Variants in MYOZ2 observed in about 807,000 individuals in gnomAD.
MYOZ2 encodes the protein myozenin-2.
A neutral mutation model predicts 25.4 loss-of-function variants in MYOZ2; 19 were observed. The observed-to-expected ratio is 0.75, with a 90% CI of 0.52 to 1.10. The LOEUF (loss-of-function observed/expected upper bound fraction) is 1.10. Ranked by LOEUF, MYOZ2 falls within the 50% of genes least tolerant of loss-of-function variation. The probability of loss-of-function intolerance (pLI) is 0.00; values close to 1 mark genes in which losing one functional copy is unlikely to be tolerated. For missense variants in MYOZ2, 270 were observed against 317.9 expected, an observed-to-expected ratio of 0.85 and a Z score of 1.15; for synonymous variants, 92 against 106.9, an observed-to-expected ratio of 0.86 and a Z score of 0.86.
chr4:119,158,380 A>G (rs1741632914), intron 4 of MYOZ2, among the ~76,000 whole-genome samples: 1 of 152,088 alleles, frequency 6.6e-6, no homozygotes, highest in Non-Finnish European at 1.5e-5. Context: ...ACATGGTGAA[A>G]CCTAGTTTCT....
chr4:119,183,673 T>G (rs998909701), intron 5 of MYOZ2, among the ~76,000 whole-genome samples: 4 of 152,206 alleles, frequency 2.6e-5, no homozygotes, highest in Non-Finnish European at 4.4e-5. Context: ...TAATCCAATT[T>G]ATCAGCAAAT....
At chr4:119,159,651 T>G (rs1741662732) in intron 4 of MYOZ2, among the ~76,000 whole-genome samples, 1 of 152,172 alleles carries the variant, frequency 6.6e-6, no homozygotes, top group South Asian at 2.1e-4. Flanking sequence ...GTCTAATTTT[T>G]GTAAAATAAA....
At chr4:119,165,366 C>T (rs1741801109) in intron 5 of MYOZ2, among the ~76,000 whole-genome samples, 1 of 151,336 alleles carries the variant, frequency 6.6e-6, no homozygotes, top group Non-Finnish European at 1.5e-5. Flanking sequence ...CAAAAATTAG[C>T]CAAGAGTGGT....
intron 2 of MYOZ2, among the ~76,000 whole-genome samples, chr4:119,140,180 T>C (rs4277762): frequency 0.59 from 90,184 of 152,058 alleles, 28,601 homozygotes; most frequent in Non-Finnish European, 0.71. Flanking sequence ...TGTTTGAGTT[T>C]CTCTATCAGT....
rs1163797804 is a variant in MYOZ2 at position 119,186,621 on chromosome 4, G to T, written c.*421G>T. 5.2e-6 allele frequency: 1 copy of T among 192,828 alleles called. No individual in the cohort carries two copies. Among genetic ancestry groups the T allele is most frequent in the Non-Finnish European group, 1.1e-5 (1 of 93,696 alleles). 11.9% of individuals were successfully genotyped at this position (192,828 alleles called of 1,614,324 possible). ...TCTGGGGATGAAAGCTATGGAAGATGATGTACAAATGTTATTGATGGAGAA... is the reference window on the plus strand; with the variant it reads ...TCTGGGGATGAAAGCTATGGAAGATTATGTACAAATGTTATTGATGGAGAA... On this transcript the variant is annotated 3_prime_UTR_variant, in exon 6 of 6. Transcript: ENST00000307128.
chr4:119,147,777 A>G (rs1741339229), intron 2 of MYOZ2, among the ~76,000 whole-genome samples: 2 of 150,832 alleles, frequency 1.3e-5, no homozygotes, highest in African/African-American at 4.9e-5. Flanking sequence ...ATGTCTTTTT[A>G]TCCTCTCCTG....
intron 4 of MYOZ2, 95 bp from the exon 5 acceptor site, chr4:119,164,116 T>C (rs749826704): frequency 1.1e-5 from 13 of 1,204,054 alleles, no homozygotes; most frequent in Admixed American, 1.8e-5. Flanking sequence ...CATAAATTTA[T>C]CCCAGCATGA....
chr4:119,136,377 AT>A, intron 1 of MYOZ2, 134 bp from the exon 2 acceptor site: 1 of 757,546 alleles, frequency 1.3e-6, no homozygotes, highest in Non-Finnish European at 2.3e-6. Flanking sequence ...AGGAATGCGT[AT>A]TGAAGTCTTT....
chr4:119,149,478 T>C (rs1416491399), intron 2 of MYOZ2, among the ~76,000 whole-genome samples: 1 of 152,230 alleles, frequency 6.6e-6, no homozygotes, highest in African/African-American at 2.4e-5. Context: ...GCTCCTTTCC[T>C]GGTCCTTTAG....
chr4:119,172,216 T>G (rs1320923462), intron 5 of MYOZ2, among the ~76,000 whole-genome samples: 3 of 152,222 alleles, frequency 2.0e-5, no homozygotes, highest in African/African-American at 7.2e-5. Context: ...CCCAAAGGGT[T>G]CTCCTTGCCC....
At chr4:119,161,909 G>T (rs1453108450) in intron 4 of MYOZ2, among the ~76,000 whole-genome samples, 1 of 152,102 alleles carries the variant, frequency 6.6e-6, no homozygotes, top group African/African-American at 2.4e-5. Context: ...TTGTGTTAGG[G>T]TGGTGAGATT....
At chr4:119,164,756 A>C (rs1741784257) in intron 5 of MYOZ2, among the ~76,000 whole-genome samples, 1 of 152,152 alleles carries the variant, frequency 6.6e-6, no homozygotes, top group East Asian at 1.9e-4. Flanking sequence ...GAATTTAATA[A>C]ATAATTCACA....
At chr4:119,168,888 C>T (rs1159022821) in intron 5 of MYOZ2, among the ~76,000 whole-genome samples, 1 of 152,134 alleles carries the variant, frequency 6.6e-6, no homozygotes, top group Non-Finnish European at 1.5e-5. Flanking sequence ...AGAGGATTGA[C>T]TCCAATTTTG....
intron 5 of MYOZ2, among the ~76,000 whole-genome samples, chr4:119,170,577 C>T (rs980083169): frequency 6.6e-6 from 1 of 151,928 alleles, no homozygotes; most frequent in African/African-American, 2.4e-5. Flanking sequence ...GAATTAATAG[C>T]AGATTAGACA....
rs1742331794 is a variant in MYOZ2 at position 119,187,538 on chromosome 4, T to A, written c.*1338T>A. Reference sequence around the variant, plus strand: ...TTGTTAAGTAGAAAAATTTTAAAAATTTGCTTATGAAAATATAACCCCCAG... The same window carrying A: ...TTGTTAAGTAGAAAAATTTTAAAAAATTGCTTATGAAAATATAACCCCCAG... On this transcript the variant is annotated 3_prime_UTR_variant, in exon 6 of 6. Coordinates refer to ENST00000307128, the MANE Select transcript of MYOZ2 (RefSeq NM_016599.5). The A allele has an allele frequency of 6.6e-6, 1 of 152,172 alleles. No individual in the cohort carries two copies. The highest frequency in any genetic ancestry group is 6.5e-5 in the Admixed American group (1 of 15,278). 9.4% of individuals were successfully genotyped at this position (152,172 alleles called of 1,614,324 possible). A position where few individuals can be genotyped will look rare whatever the true frequency, so the allele number is the denominator to read the frequency against.
At chr4:119,178,182 C>T (rs1369440716) in intron 5 of MYOZ2, among the ~76,000 whole-genome samples, 2 of 152,176 alleles carry the variant, frequency 1.3e-5, no homozygotes. Context: ...TTTTGATCAT[C>T]AAACTCCCCA....
In MYOZ2 at chr4:119,136,266, T is replaced by C. The variant is rs534718322; in HGVS notation, c.-14-246T>C. Among the ~76,000 whole-genome samples the C allele has an allele frequency of 7.2e-5, 11 of 152,312 alleles. No homozygotes were observed. In the South Asian group the frequency reaches 2.3e-3, roughly 32 times the overall value. On this transcript the variant is annotated intron_variant, in intron 1 of 5. Coordinates refer to ENST00000307128, the MANE Select transcript of MYOZ2 (RefSeq NM_016599.5). The stretch of plus-strand genomic sequence containing the variant: ...AGGGGAAAGGAGACCAGCAATTTCA[T>C]TGTTTCTCACTGCCTGATGATCATT...
chr4:119,177,082 T>C (rs934500544), intron 5 of MYOZ2, among the ~76,000 whole-genome samples: 2 of 152,202 alleles, frequency 1.3e-5, no homozygotes, highest in Non-Finnish European at 2.9e-5. Flanking sequence ...AAGTTTATTC[T>C]TTATTTCAAT....
At chr4:119,160,716 G>C (rs1024809372) in intron 4 of MYOZ2, among the ~76,000 whole-genome samples, 2 of 151,984 alleles carry the variant, frequency 1.3e-5, no homozygotes, top group East Asian at 1.9e-4. Flanking sequence ...TCATTTAACG[G>C]AACCTCAAAG....
Sources: gnomAD v4.1 joint callset for allele counts (sites outside exome capture counted in the v4.1 genomes callset) on GRCh38, gnomAD v4.1.1 for gene constraint, MANE v1.5 for transcripts, NCBI Gene and HGNC (gene_info 2026-07-23, HGNC 2026-07-21) for gene names.